The following KIAA1328 variants were observed in gnomAD, a reference collection of about 807,000 sequenced individuals.
The protein encoded by KIAA1328 is KIAA1328.
KIAA1328 carries 52 observed loss-of-function variants against 68.1 expected under a neutral mutation model. That is an observed-to-expected ratio of 0.76 (90% confidence interval 0.61 to 0.96). The LOEUF is 0.96. Among genes scored for constraint, KIAA1328 ranks in the 40% least tolerant of loss-of-function variants. The pLI is 0.00. For missense variants in KIAA1328, 641 were observed against 677.6 expected, an observed-to-expected ratio of 0.95 and a Z score of 0.60; for synonymous variants, 232 against 239.4, an observed-to-expected ratio of 0.97 and a Z score of 0.28.
At chr18:37,050,313 A>G (rs1330593789) in intron 6 of KIAA1328, among the ~76,000 whole-genome samples, 1 of 151,096 alleles carries the variant, frequency 6.6e-6, no homozygotes, top group African/African-American at 2.4e-5. Flanking sequence ...TCTTAGTATT[A>G]GTTGGCTTTA....
At chr18:37,025,106 A>T (rs952446856) in intron 6 of KIAA1328, among the ~76,000 whole-genome samples, 3 of 152,116 alleles carry the variant, frequency 2.0e-5, no homozygotes, top group African/African-American at 7.2e-5. Context: ...TGTGGTTTTG[A>T]TTGAATTTCT....
At chr18:36,978,691 T>G (rs1395178381) in intron 6 of KIAA1328, among the ~76,000 whole-genome samples, 5 of 152,224 alleles carry the variant, frequency 3.3e-5, no homozygotes, top group Admixed American at 1.3e-4. Context: ...CATGTGGCCA[T>G]TTATATTTCT....
Position 36,919,044 on chromosome 18 carries a change from T to C in KIAA1328, c.448+33372T>C, listed in dbSNP as rs539734111. 1.1e-3 allele frequency among the ~76,000 whole-genome samples: 170 copies of C among 152,266 alleles called. 2 individuals are homozygous for C. In the Middle Eastern group the frequency reaches 0.027, roughly 24 times the overall value. ...AATGTATATTTTACAGCTGTTGGGG[T>C]AGGGCTTTCTAAATTTAATTGTCAG... On this transcript the variant is annotated intron_variant, in intron 5 of 9. Transcript: ENST00000280020.
chr18:36,942,960 G>T (rs1045068828), intron 5 of KIAA1328, among the ~76,000 whole-genome samples: 1 of 152,154 alleles, frequency 6.6e-6, no homozygotes, highest in African/African-American at 2.4e-5. Context: ...TAGAAATGAT[G>T]CCAAAGCAAA....
At chr18:36,885,706 A>G in intron 5 of KIAA1328, 34 bp downstream of exon 5, 1 of 1,363,674 alleles carries the variant, frequency 7.3e-7, no homozygotes, top group South Asian at 1.3e-5. Context: ...TTTAACGTTC[A>G]AGAAGTTTGA....
intron 7 of KIAA1328, among the ~76,000 whole-genome samples, chr18:37,135,604 A>G (rs1417495539): frequency 6.6e-6 from 1 of 152,110 alleles, no homozygotes; most frequent in Non-Finnish European, 1.5e-5. Flanking sequence ...TCAGATGTAT[A>G]GTTTGTGAAT....
chr18:36,890,025 G>A lies in KIAA1328; in HGVS notation c.448+4353G>A, dbSNP rs370882857. 9.2e-5 allele frequency among the ~76,000 whole-genome samples: 14 copies of A among 152,186 alleles called. No individual in the cohort carries two copies. The East Asian group carries it at 2.7e-3, about 29-fold the overall frequency. On this transcript the variant is annotated intron_variant, in intron 5 of 9. Transcript: ENST00000280020. ...TCCCAGAAATCAAACTGACAGAGTT[G>A]TGGTTTTTTTGTTTGTTTGTTTGTT...
chr18:36,867,991 A>C (rs933715677), intron 4 of KIAA1328, among the ~76,000 whole-genome samples: 1 of 152,258 alleles, frequency 6.6e-6, no homozygotes, highest in African/African-American at 2.4e-5. Context: ...GCCACTTGAC[A>C]AGAAAACAGA....
intron 5 of KIAA1328, among the ~76,000 whole-genome samples, chr18:36,926,268 GAGATGTAATCTCTAATAGC>G (rs1417793872): frequency 6.6e-6 from 1 of 152,142 alleles, no homozygotes; most frequent in African/African-American, 2.4e-5. Flanking sequence ...TCAGCCTCCA[GAGATGTAATCTCTAATAGC>G]AGATGGCAGC....
At chr18:37,037,558 G>A (rs971542652) in intron 6 of KIAA1328, among the ~76,000 whole-genome samples, 1 of 152,146 alleles carries the variant, frequency 6.6e-6, no homozygotes, top group African/African-American at 2.4e-5. Flanking sequence ...TAGATGGTCA[G>A]TATCCAATAA....
chr18:36,958,677 A>G (rs2051523342), intron 5 of KIAA1328, among the ~76,000 whole-genome samples: 1 of 152,136 alleles, frequency 6.6e-6, no homozygotes. Flanking sequence ...CCACTTTTAA[A>G]TTGTACTAAT....
chr18:37,214,867 A>AT (rs2060395447), intron 9 of KIAA1328, among the ~76,000 whole-genome samples: 1 of 152,158 alleles, frequency 6.6e-6, no homozygotes, highest in African/African-American at 2.4e-5. Context: ...GGTCCTTCAC[A>AT]TCCCTTGTAA....
At chr18:36,877,312 T>C (rs1234908200) in intron 4 of KIAA1328, among the ~76,000 whole-genome samples, 2 of 152,096 alleles carry the variant, frequency 1.3e-5, no homozygotes, top group Middle Eastern at 3.2e-3. Flanking sequence ...AGTCTAAGTC[T>C]CTTTGAAGGT....
intron 6 of KIAA1328, among the ~76,000 whole-genome samples, chr18:37,052,453 C>T (rs2055737304): frequency 6.6e-6 from 1 of 152,122 alleles, no homozygotes; most frequent in African/African-American, 2.4e-5. Flanking sequence ...GTTCACCTCA[C>T]CATTCCTGTT....
intron 7 of KIAA1328, among the ~76,000 whole-genome samples, chr18:37,079,412 A>G (rs1358913142): frequency 6.9e-6 from 1 of 144,294 alleles, no homozygotes; most frequent in Non-Finnish European, 1.5e-5. Context: ...GCACACCAGC[A>G]TGGCACATGT....
At chr18:37,146,758 G>A (rs550481837) in intron 7 of KIAA1328, among the ~76,000 whole-genome samples, 35 of 152,236 alleles carry the variant, frequency 2.3e-4, no homozygotes, top group African/African-American at 7.0e-4. Context: ...TAGTGTTAAC[G>A]CTGTGCAACT....
In KIAA1328 at chr18:36,847,964, C is replaced by T. The variant is rs1413372685; in HGVS notation, c.332+3662C>T. Among the ~76,000 whole-genome samples, 4 of 151,840 alleles carry T rather than the reference C, an allele frequency of 2.6e-5. No homozygotes were observed. The East Asian group carries it at 7.7e-4, about 29-fold the overall frequency. ...ATGTATATGTCTATCCTTATGCCAG[C>T]ACTGCACTGACTTGATTAATTTTAT... On this transcript the variant is annotated intron_variant, in intron 4 of 9. Coordinates refer to ENST00000280020, the MANE Select transcript of KIAA1328 (RefSeq NM_020776.3).
At chr18:37,193,998 A>G (rs1447946702) in intron 9 of KIAA1328, among the ~76,000 whole-genome samples, 1 of 152,186 alleles carries the variant, frequency 6.6e-6, no homozygotes, top group African/African-American at 2.4e-5. Context: ...CACGTACCAC[A>G]ATGCAGTTAA....
chr18:37,176,595 A>C (rs1307135500), intron 9 of KIAA1328, among the ~76,000 whole-genome samples: 1 of 152,134 alleles, frequency 6.6e-6, no homozygotes, highest in Non-Finnish European at 1.5e-5. Flanking sequence ...TGTACCATTC[A>C]TTTCTGCTTG....
Sources: allele counts gnomAD v4.1 joint callset (sites outside exome capture counted in the v4.1 genomes callset), GRCh38; gene constraint gnomAD v4.1.1; transcripts MANE v1.5; gene names NCBI Gene and HGNC (gene_info 2026-07-23, HGNC 2026-07-21).